Variants in ERAP1 observed in about 807,000 individuals in gnomAD.
ERAP1 encodes the protein endoplasmic reticulum aminopeptidase 1.
In ERAP1, 86 loss-of-function variants were observed where a neutral mutation model predicts 103.7. The observed-to-expected ratio is 0.83, with a 90% CI of 0.70 to 0.99. The LOEUF (loss-of-function observed/expected upper bound fraction) is 0.99. ERAP1 is among the 50% of genes least tolerant of loss of function. ERAP1 has a pLI of 0.00. For synonymous variants in ERAP1, 398 were observed against 402.4 expected (o/e 0.99, Z 0.13); for missense variants, 1,009 against 1,128.4 (o/e 0.89, Z 1.52).
downstream of ERAP1, chr5:96,774,386 G>GTGTT (rs1029608984): frequency 1.3e-4 from 49 of 363,964 alleles, no homozygotes; most frequent in East Asian, 1.4e-3. Context: ...CGAGACTTGG[G>GTGTT]TGTTTGTTAA....
the ERAP1 span, among the ~76,000 whole-genome samples, chr5:96,898,281 T>C: frequency 6.6e-6 from 1 of 151,998 alleles, no homozygotes; most frequent in Non-Finnish European, 1.5e-5. Context: ...ATTATCTCAT[T>C]TGATATTTTT....
chr5:96,780,697 A>G (rs1775042271), intron 17 of ERAP1, among the ~76,000 whole-genome samples, 193 bp from the exon 18 acceptor site: 1 of 152,272 alleles, frequency 6.6e-6, no homozygotes, highest in Non-Finnish European at 1.5e-5. Context: ...TAAAAGGTTA[A>G]GTATCCAACA....
chr5:96,923,553 G>A, the ERAP1 span, among the ~76,000 whole-genome samples: 1 of 151,990 alleles, frequency 6.6e-6, no homozygotes, highest in Non-Finnish European at 1.5e-5. Context: ...AATTAGCCGG[G>A]CGCAGTGGCG....
chr5:96,920,896 A>G, the ERAP1 span, among the ~76,000 whole-genome samples: 1 of 152,228 alleles, frequency 6.6e-6, no homozygotes, highest in Admixed American at 6.5e-5. Context: ...ATAATCTTCT[A>G]TTTTAATAGT....
At chr5:96,770,429 A>G, downstream of ERAP1, 2 of 687,124 alleles carry the variant, frequency 2.9e-6, no homozygotes, top group Non-Finnish European at 2.6e-6. Context: ...ATTTAATTAA[A>G]TTGGAGATCT....
the ERAP1 span, among the ~76,000 whole-genome samples, chr5:96,922,974 GTTTTTT>G: frequency 6.6e-6 from 1 of 151,706 alleles, no homozygotes; most frequent in Non-Finnish European, 1.5e-5. Flanking sequence ...TTTGTTTTTT[GTTTTTT>G]GTTTTTTGTT....
chr5:96,875,950 C>T, the ERAP1 span: 1 of 152,402 alleles, frequency 6.6e-6, no homozygotes. Context: ...CCAACTCAAA[C>T]AGGCAGATAA....
intron 3 of ERAP1, among the ~76,000 whole-genome samples, chr5:96,798,428 C>T (rs918966653): frequency 5.3e-5 from 8 of 151,318 alleles, no homozygotes; most frequent in African/African-American, 1.9e-4. Flanking sequence ...GAGGTACAGT[C>T]TTAGAGGTCT....
the ERAP1 span, among the ~76,000 whole-genome samples, chr5:96,904,911 A>C: frequency 1.3e-5 from 2 of 152,206 alleles, no homozygotes; most frequent in Non-Finnish European, 2.9e-5. Context: ...TACAAATTTT[A>C]TATGAAAATT....
the ERAP1 span, among the ~76,000 whole-genome samples, chr5:96,894,473 C>G: frequency 6.6e-6 from 1 of 151,730 alleles, no homozygotes; most frequent in Middle Eastern, 3.2e-3. Flanking sequence ...AGCTTTGGTC[C>G]GTCTAGAGAT....
chr5:96,917,572 G>T, the ERAP1 span: 1 of 1,613,414 alleles, frequency 6.2e-7, no homozygotes, highest in Non-Finnish European at 8.5e-7. Context: ...AGAATCTTCC[G>T]ACTCTGAGGA....
chr5:96,765,134 C>A, intron 19 of ERAP1: 1 of 774,700 alleles, frequency 1.3e-6, no homozygotes, highest in South Asian at 1.5e-5. Context: ...AACAGGTTCC[C>A]TCCTGAAAAG....
At chr5:96,924,219 A>G in the ERAP1 span, among the ~76,000 whole-genome samples, 1 of 152,196 alleles carries the variant, frequency 6.6e-6, no homozygotes, top group African/African-American at 2.4e-5. Context: ...ATGTGCCATA[A>G]AAGTGAAGCG....
Position 96,797,992 on chromosome 5 carries a change from C to A in ERAP1, c.664-683G>T, listed in dbSNP as rs1395118626. Among the ~76,000 whole-genome samples the A allele has an allele frequency of 3.3e-5, 5 of 152,162 alleles. No homozygotes were observed. In the East Asian group the frequency reaches 9.7e-4, roughly 29 times the overall value. ...ATACGCAACGGGGAAAATATATAAC[C>A]CTGTAGTACCTAAAAGAGCTTCTGT... On this transcript the variant is annotated intron_variant, in intron 3 of 18. Transcript: ENST00000443439.
intron 19 of ERAP1, chr5:96,765,994 G>GT: frequency 1.1e-6 from 1 of 949,038 alleles, no homozygotes; most frequent in East Asian, 2.4e-5. Context: ...ATTTGACAAT[G>GT]TATTTTCTAA....
intron 8 of ERAP1, 96 bp from the exon 9 acceptor site, chr5:96,790,739 A>G: frequency 8.7e-7 from 1 of 1,153,166 alleles, no homozygotes; most frequent in South Asian, 1.3e-5. Flanking sequence ...TTCTTTGAAA[A>G]CGCAACTGCA....
chr5:96,802,119 AG>A lies in ERAP1; in HGVS notation c.525-1120del, dbSNP rs1442727127. On this transcript the variant is annotated intron_variant, in intron 2 of 18. Coordinates refer to ENST00000443439, the MANE Select transcript of ERAP1 (RefSeq NM_001040458.3). ...ATGACAAAGTTTATCAAAAATTTAT[AG>A]GCTCTTTGGCTTACCAATTTTACTT... Among the ~76,000 whole-genome samples the A allele has an allele frequency of 1.5e-4, 23 of 152,210 alleles. No individual in the cohort carries two copies. In the East Asian group the frequency reaches 1.7e-3, roughly 11 times the overall value.
the ERAP1 span, among the ~76,000 whole-genome samples, chr5:96,914,649 C>A: frequency 6.6e-6 from 1 of 152,162 alleles, no homozygotes; most frequent in South Asian, 2.1e-4. Flanking sequence ...TTTTTCTGAG[C>A]TGTAACTGTG....
rs1214472415 is a variant in ERAP1, at chr5:96,780,453, A to C, written c.2640T>G (p.Asn880Lys). ...CAAGCCGTGTTCTTGTGGAGAATTG[A>C]TTTGTTGTACCCATTACCATGTGGG... ...SIAHMVMGTT[N>K]QFSTRTRLEE... The change falls in exon 18 of 19, where the codon AAT (asparagine) becomes AAG (lysine). Residue 880 changes from asparagine (N) to lysine (K), a missense_variant. Transcript: ENST00000443439. The C allele has an allele frequency of 1.3e-5, 21 of 1,612,060 alleles. No individual in the cohort carries two copies. Among genetic ancestry groups the C allele is most frequent in the Non-Finnish European group, 1.8e-5 (21 of 1,179,138 alleles).
Sources: gnomAD v4.1 joint callset for allele counts (sites outside exome capture counted in the v4.1 genomes callset) on GRCh38, gnomAD v4.1.1 for gene constraint, MANE v1.5 for transcripts, NCBI Gene and HGNC (gene_info 2026-07-23, HGNC 2026-07-21) for gene names.